The following PCDHGB3 variants were observed in gnomAD, a reference collection of about 807,000 sequenced individuals.
PCDHGB3 encodes protocadherin gamma subfamily B, 3.
A neutral mutation model predicts 59.2 loss-of-function variants in PCDHGB3; 40 were observed. The ratio of observed to expected loss-of-function variants is 0.68; its 90% CI spans 0.52 to 0.88. The LOEUF (loss-of-function observed/expected upper bound fraction) is 0.88, where lower values mean the gene tolerates loss of function less well. Among genes scored for constraint, PCDHGB3 ranks in the 40% least tolerant of loss-of-function variants. The pLI, the probability that PCDHGB3 is intolerant of heterozygous loss-of-function variation, is 0.00. For missense variants in PCDHGB3, 1,309 were observed against 1,187.9 expected, an observed-to-expected ratio of 1.10 and a Z score of -1.50; for synonymous variants, 581 against 503.6, an observed-to-expected ratio of 1.15 and a Z score of -2.06.
At chr5:141,430,902 T>C (rs373775073) in intron 1 of PCDHGB3, 4 of 1,606,232 alleles carry the variant, frequency 2.5e-6, no homozygotes, top group Admixed American at 3.4e-5. Context: ...GTGGGCGACA[T>C]CTCCAGGGAC....
At chr5:141,492,091 C>A (rs930375969) in intron 1 of PCDHGB3, among the ~76,000 whole-genome samples, 1 of 152,242 alleles carries the variant, frequency 6.6e-6, no homozygotes, top group South Asian at 2.1e-4. Flanking sequence ...CACGCTTCGC[C>A]GGTCTGTAGA....
chr5:141,419,420 G>C (rs774685112), intron 1 of PCDHGB3: 10 of 1,613,372 alleles, frequency 6.2e-6, no homozygotes, highest in Non-Finnish European at 7.6e-6. Flanking sequence ...GCGCGCCTTC[G>C]ACCACGAGCA....
At chr5:141,404,167 G>A (rs2094493296) in intron 1 of PCDHGB3, 1 of 1,612,946 alleles carries the variant, frequency 6.2e-7, no homozygotes, top group South Asian at 1.1e-5. Flanking sequence ...ACAGATTGTT[G>A]ACGGCCCAAA....
Position 141,414,286 on chromosome 5 carries a change from G to A in PCDHGB3, c.2415+41477G>A, listed in dbSNP as rs2095728607. ...AGATTCACCTCTGGGAACAGTCGTA[G>A]CCCTTTTAAATGTGCATGATTTAGA... On this transcript the variant is annotated intron_variant, in intron 1 of 3. Coordinates refer to ENST00000576222, the MANE Select transcript of PCDHGB3 (RefSeq NM_018924.5). 1.9e-6 allele frequency: 3 copies of A among 1,613,586 alleles called. No individual in the cohort carries two copies. The highest frequency in any genetic ancestry group is 2.5e-6 in the Non-Finnish European group (3 of 1,179,770).
chr5:141,418,248 C>T (rs372067603), intron 1 of PCDHGB3: 7 of 1,613,882 alleles, frequency 4.3e-6, no homozygotes, highest in African/African-American at 1.3e-5. Flanking sequence ...AATGACCACG[C>T]CCCTCAATTC....
At chr5:141,467,672 A>T (rs1410623274) in intron 1 of PCDHGB3, among the ~76,000 whole-genome samples, 2 of 151,636 alleles carry the variant, frequency 1.3e-5, no homozygotes, top group Non-Finnish European at 2.9e-5. Context: ...GAAGATTTTT[A>T]TTTTTTTTAG....
rs191953163 is a variant in PCDHGB3 at position 141,426,385 on chromosome 5, C to T, written c.2415+53576C>T. Reference sequence around the variant, plus strand: ...CTGCGGGGCACCCTCGGAGCAGATCCGCTACTCTATTCCAGAAGAAACGGT... The same window carrying T: ...CTGCGGGGCACCCTCGGAGCAGATCTGCTACTCTATTCCAGAAGAAACGGT... On this transcript the variant is annotated intron_variant, in intron 1 of 3. Transcript: ENST00000576222. 1.4e-3 allele frequency: 332 copies of T among 244,362 alleles called. 1 individual carries two copies. The highest frequency in any genetic ancestry group is 1.5e-3 in the Non-Finnish European group (188 of 121,940). 15.1% of individuals were successfully genotyped at this position (244,362 alleles called of 1,614,324 possible). A position where few individuals can be genotyped will look rare whatever the true frequency, so the allele number is the denominator to read the frequency against.
intron 1 of PCDHGB3, among the ~76,000 whole-genome samples, chr5:141,449,345 T>C (rs2154562594): frequency 1.3e-5 from 2 of 151,644 alleles, no homozygotes; most frequent in South Asian, 4.2e-4. Context: ...AGTGGCTCAC[T>C]CCTGTAATCC....
intron 1 of PCDHGB3, chr5:141,403,694 C>A (rs746395931): frequency 2.5e-6 from 4 of 1,613,878 alleles, no homozygotes; most frequent in Admixed American, 1.7e-5. Context: ...ACGGATTTAC[C>A]GAGTTAAAGT....
At position 141,388,702 on chromosome 5, in the gene PCDHGB3, T is replaced by G. The variant is rs201901866; in HGVS notation, c.2415+15893T>G. 3.2e-3 allele frequency: 5,096 copies of G among 1,613,936 alleles called. 17 individuals are homozygous for G. The highest frequency in any genetic ancestry group is 8.9e-3 in the Middle Eastern group (54 of 6,062). On this transcript the variant is annotated intron_variant, in intron 1 of 3. Coordinates refer to ENST00000576222, the MANE Select transcript of PCDHGB3 (RefSeq NM_018924.5). ...ACTGCCACGGACCAGGATGAGGGTG[T>G]CAATGCCGAGATTACTTTCTCTTTC...
chr5:141,404,159 A>C, intron 1 of PCDHGB3: 1 of 1,613,114 alleles, frequency 6.2e-7, no homozygotes, highest in South Asian at 1.1e-5. Flanking sequence ...AGATTATTAC[A>C]GATTGTTGAC....
At chr5:141,394,235 G>C (rs1444438979) in intron 1 of PCDHGB3, 1 of 1,613,820 alleles carries the variant, frequency 6.2e-7, no homozygotes, top group South Asian at 1.1e-5. Flanking sequence ...TCTTTTCCTT[G>C]ACTGCACACG....
At chr5:141,388,270 A>G (rs1387371856) in intron 1 of PCDHGB3, 1 of 1,596,568 alleles carries the variant, frequency 6.3e-7, no homozygotes, top group Non-Finnish European at 8.5e-7. Flanking sequence ...ATTAATGACC[A>G]CACGCCAAAA....
Position 141,389,968 on chromosome 5 carries a change from C to A in PCDHGB3, c.2415+17159C>A, listed in dbSNP as rs898974383. ...CAGTTTTACCTAGTGGTGGCCTTGG[C>A]CTTGATCTCAGTGCTCTTCCTCGTG... is the stretch of plus-strand genomic sequence containing the variant. On this transcript the variant is annotated intron_variant, in intron 1 of 3. Coordinates refer to ENST00000576222, the MANE Select transcript of PCDHGB3 (RefSeq NM_018924.5). 3 of 1,613,908 alleles carry A rather than the reference C, an allele frequency of 1.9e-6. No homozygotes were observed. The highest frequency in any genetic ancestry group is 2.5e-6 in the Non-Finnish European group (3 of 1,179,892).
chr5:141,408,338 G>C, intron 1 of PCDHGB3: 1 of 1,613,958 alleles, frequency 6.2e-7, no homozygotes, highest in Non-Finnish European at 8.5e-7. Context: ...CAAGGGCTCG[G>C]TGGTGGGGAA....
intron 1 of PCDHGB3, chr5:141,395,493 A>T: frequency 2.0e-6 from 1 of 490,474 alleles, no homozygotes; most frequent in Non-Finnish European, 3.5e-6. Context: ...ATTATCACTC[A>T]TTCACTTAAG....
At position 141,494,841 on chromosome 5, in the gene PCDHGB3, A is replaced by G. The variant is rs1163193977; in HGVS notation, c.2450A>G (p.Gln817Arg). ...APPNTDWRFS[Q>R]AQRPGTSGSQ... ...CCCAACACGGACTGGCGTTTCTCTC[A>G]GGCCCAGAGACCCGGCACCAGCGGG... The change falls in exon 2 of 4, where the codon CAG (glutamine) becomes CGG (arginine). Residue 817 changes from glutamine to arginine, a missense_variant. Gln to Arg is a conservative substitution (Grantham distance 43). Coordinates refer to ENST00000576222, the MANE Select transcript of PCDHGB3 (RefSeq NM_018924.5). 1 of 1,613,996 alleles carries G rather than the reference A, an allele frequency of 6.2e-7. No homozygotes were observed. The highest frequency in any genetic ancestry group is 1.1e-5 in the South Asian group (1 of 91,074).
Position 141,371,238 on chromosome 5 carries a change from A to G in PCDHGB3, c.844A>G (p.Ile282Val). Residue 282 changes from isoleucine to valine, a missense_variant, in exon 1 of 4, where the codon ATC becomes GTC. Ile to Val is a conservative substitution (Grantham distance 29). Transcript: ENST00000576222. ...GINAEIIYAFINIGKEVRQLF... is the reference protein window; with the variant it reads ...GINAEIIYAFVNIGKEVRQLF... The stretch of plus-strand genomic sequence containing the variant: ...CAATGCCGAAATCATCTATGCCTTC[A>G]TCAATATTGGCAAGGAAGTGAGACA... 6.2e-7 allele frequency: 1 copy of G among 1,614,058 alleles called. No homozygotes were observed. Among genetic ancestry groups the G allele is most frequent in the Non-Finnish European group, 8.5e-7 (1 of 1,179,898 alleles).
At chr5:141,460,580 G>A (rs1037056676) in intron 1 of PCDHGB3, among the ~76,000 whole-genome samples, 7 of 152,160 alleles carry the variant, frequency 4.6e-5, no homozygotes, top group African/African-American at 1.4e-4. Flanking sequence ...ATGTAGGTGT[G>A]GGTTTTTTCT....
Sources: allele counts gnomAD v4.1 joint callset (sites outside exome capture counted in the v4.1 genomes callset), GRCh38; gene constraint gnomAD v4.1.1; transcripts MANE v1.5; gene names NCBI Gene and HGNC (gene_info 2026-07-23, HGNC 2026-07-21).